RB1CC1: variants seen among roughly 807,000 people sequenced by gnomAD.
RB1CC1 encodes the protein RB1-inducible coiled-coil protein 1.
A neutral mutation model predicts 177.5 loss-of-function variants in RB1CC1; 46 were observed. The ratio of observed to expected loss-of-function variants is 0.26; its 90% confidence interval spans 0.20 to 0.33. The LOEUF is 0.33. Among genes scored for constraint, RB1CC1 ranks in the 10% least tolerant of loss-of-function variants. RB1CC1 has a pLI of 1.00. For missense variants in RB1CC1, 1,703 were observed against 1,816.3 expected, an observed-to-expected ratio of 0.94 and a Z score of 1.13; for synonymous variants, 666 against 613.6, an observed-to-expected ratio of 1.09 and a Z score of -1.26.
At chr8:52,627,625 G>C (rs1332403709) in intron 22 of RB1CC1, among the ~76,000 whole-genome samples, 1 of 152,078 alleles carries the variant, frequency 6.6e-6, no homozygotes, top group Non-Finnish European at 1.5e-5. Flanking sequence ...AAACAAGGTA[G>C]GAACATAGGA....
intron 1 of RB1CC1, among the ~76,000 whole-genome samples, chr8:52,692,467 AC>A (rs1237745846): frequency 6.6e-6 from 1 of 152,186 alleles, no homozygotes; most frequent in Non-Finnish European, 1.5e-5. Context: ...ATGAGTAAGA[AC>A]TGTATGAAGT....
intron 12 of RB1CC1, among the ~76,000 whole-genome samples, chr8:52,660,100 C>T (rs1248356789): frequency 6.6e-6 from 1 of 152,134 alleles, no homozygotes; most frequent in East Asian, 1.9e-4. Context: ...CAATTAATGA[C>T]CCCAGATAAC....
At chr8:52,639,293 C>T (rs1468561294) in intron 18 of RB1CC1, among the ~76,000 whole-genome samples, 1 of 151,996 alleles carries the variant, frequency 6.6e-6, no homozygotes, top group Non-Finnish European at 1.5e-5. Context: ...TAAGTTATTC[C>T]TTTAAATTTT....
intron 8 of RB1CC1, among the ~76,000 whole-genome samples, chr8:52,665,517 T>C (rs1424157328): frequency 6.6e-6 from 1 of 152,192 alleles, no homozygotes; most frequent in Non-Finnish European, 1.5e-5. Context: ...TCAATGAATA[T>C]TTCTAATATG....
At chr8:52,664,267 ACTGT>A (rs1851871229) in intron 8 of RB1CC1, among the ~76,000 whole-genome samples, 2 of 152,132 alleles carry the variant, frequency 1.3e-5, no homozygotes, top group African/African-American at 4.8e-5. Flanking sequence ...TCAATTGAAA[ACTGT>A]CTACCTTGGG....
At chr8:52,661,980 C>T (rs1297979841) in intron 8 of RB1CC1, among the ~76,000 whole-genome samples, 1 of 151,992 alleles carries the variant, frequency 6.6e-6, no homozygotes, top group Non-Finnish European at 1.5e-5. Context: ...TAGCCAAGGA[C>T]ATACTTAATA....
intron 3 of RB1CC1, among the ~76,000 whole-genome samples, chr8:52,684,368 T>C (rs1854048787): frequency 6.6e-6 from 1 of 152,198 alleles, no homozygotes; most frequent in Non-Finnish European, 1.5e-5. Flanking sequence ...TTCATGTAAG[T>C]GTAAAATCAA....
chr8:52,688,064 C>A (rs1000986791), intron 1 of RB1CC1, among the ~76,000 whole-genome samples: 7 of 152,198 alleles, frequency 4.6e-5, no homozygotes, highest in Non-Finnish European at 7.3e-5. Context: ...ATCCTGTTAT[C>A]TTCGTAAACT....
At chr8:52,706,081 T>C (rs1160681091) in intron 1 of RB1CC1, among the ~76,000 whole-genome samples, 3 of 152,100 alleles carry the variant, frequency 2.0e-5, no homozygotes, top group African/African-American at 7.2e-5. Flanking sequence ...GCCAGACTTT[T>C]ACTTTCTCCC....
intron 1 of RB1CC1, among the ~76,000 whole-genome samples, chr8:52,707,378 T>G (rs1306089215): frequency 3.3e-5 from 5 of 151,938 alleles, no homozygotes; most frequent in Admixed American, 3.3e-4. Flanking sequence ...CAATGAACTA[T>G]CATTCTACTA....
Position 52,657,049 on chromosome 8 carries a change from T to C in RB1CC1, c.2780A>G (p.Gln927Arg). ...TAACAACTTCTGATCCTTTTCATTC[T>C]GCAGGCAGATTACAGCTTCTTTTTC... ...KHEKEAVICL[Q>R]NEKDQKLLEM... is the part of the protein sequence containing the mutation. Residue 927 changes from glutamine to arginine, a missense_variant, in exon 15 of 24, where the codon CAG becomes CGG. Gln to Arg is a conservative substitution (Grantham distance 43). This residue lies in a region of RB1CC1 where 1,169 missense variants were observed against 1,184.7 expected (regional missense o/e 0.99). Transcript: ENST00000025008. 1 of 1,612,700 alleles carries C rather than the reference T, an allele frequency of 6.2e-7. No individual in the cohort carries two copies.
At chr8:52,631,976 A>G (rs561037699) in intron 20 of RB1CC1, among the ~76,000 whole-genome samples, 2 of 152,330 alleles carry the variant, frequency 1.3e-5, no homozygotes, top group East Asian at 1.9e-4. Context: ...CTCATCTTCA[A>G]TGAAACTTCT....
intron 23 of RB1CC1, among the ~76,000 whole-genome samples, chr8:52,624,192 T>C (rs984665585): frequency 3.3e-5 from 5 of 151,936 alleles, no homozygotes; most frequent in African/African-American, 1.2e-4. Flanking sequence ...CAATACTATA[T>C]GGTTCAAGTT....
intron 1 of RB1CC1, among the ~76,000 whole-genome samples, chr8:52,703,850 C>T (rs1291080334): frequency 1.3e-5 from 2 of 151,976 alleles, no homozygotes; most frequent in African/African-American, 2.4e-5. Flanking sequence ...TAAATGTTTG[C>T]GGTCAAAACC....
At chr8:52,699,831 ATATATAT>A (rs1238478927) in intron 1 of RB1CC1, among the ~76,000 whole-genome samples, 1 of 29,952 alleles carries the variant, frequency 3.3e-5, no homozygotes, top group Non-Finnish European at 8.0e-5. Flanking sequence ...AAAAAAAAAA[ATATATAT>A]ATATATATAT....
At chr8:52,675,319 A>G (rs1027218252) in intron 6 of RB1CC1, among the ~76,000 whole-genome samples, 8 of 152,202 alleles carry the variant, frequency 5.3e-5, no homozygotes, top group African/African-American at 1.9e-4. Context: ...AAAGACAAAG[A>G]TTAAAACCAG....
At chr8:52,649,362 T>G (rs1850358310) in intron 15 of RB1CC1, among the ~76,000 whole-genome samples, 1 of 152,132 alleles carries the variant, frequency 6.6e-6, no homozygotes, top group Non-Finnish European at 1.5e-5. Context: ...AGGCTGACAG[T>G]TTTTCCCACC....
At chr8:52,631,471 C>T (rs546301466) in intron 20 of RB1CC1, among the ~76,000 whole-genome samples, 18 of 152,240 alleles carry the variant, frequency 1.2e-4, no homozygotes, top group South Asian at 2.1e-4. Flanking sequence ...GGAGGCAGAA[C>T]GCTGAGGAAT....
chr8:52,679,729 A>G (rs531575149), intron 5 of RB1CC1, among the ~76,000 whole-genome samples: 41 of 152,250 alleles, frequency 2.7e-4, no homozygotes, highest in African/African-American at 9.1e-4. Flanking sequence ...TCACACCACT[A>G]TTGCAGACAT....
Sources: gnomAD v4.1 joint callset for allele counts (sites outside exome capture counted in the v4.1 genomes callset) on GRCh38, gnomAD v4.1.1 for gene constraint, gnomAD v4.1.1 regional missense constraint, MANE v1.5 for transcripts, NCBI Gene and HGNC (gene_info 2026-07-23, HGNC 2026-07-21) for gene names.